The following N4BP2 variants were observed in gnomAD, a reference collection of about 807,000 sequenced individuals.
N4BP2 encodes the protein NEDD4 binding protein 2, also known as NEDD4-binding protein 2.
A neutral mutation model predicts 152.8 loss-of-function variants in N4BP2; 91 were observed. The observed-to-expected ratio is 0.60, with a 90% CI of 0.50 to 0.71. The LOEUF is 0.71. Among genes scored for constraint, N4BP2 ranks in the 30% least tolerant of loss-of-function variants. The pLI is 0.00. For missense variants in N4BP2, 1,923 were observed against 2,059.1 expected (o/e 0.93, Z 1.28); for synonymous variants, 646 against 705.3 (o/e 0.92, Z 1.33).
chr4:40,177,275 G>T, the N4BP2 span, among the ~76,000 whole-genome samples: 1 of 152,116 alleles, frequency 6.6e-6, no homozygotes, highest in Non-Finnish European at 1.5e-5. Flanking sequence ...CCATGCAGAG[G>T]GAAGGAAGGG....
At chr4:40,147,488 G>A (rs1241885780) in intron 16 of N4BP2, among the ~76,000 whole-genome samples, 1 of 150,442 alleles carries the variant, frequency 6.6e-6, no homozygotes, top group Non-Finnish European at 1.5e-5. Context: ...AGAAGGGGCG[G>A]CCGGGCAGAG....
At chr4:40,173,026 T>C in the N4BP2 span, among the ~76,000 whole-genome samples, 14 of 152,158 alleles carry the variant, frequency 9.2e-5, no homozygotes, top group South Asian at 2.9e-3. Flanking sequence ...GACAGTTTGC[T>C]CCCCTAACTT....
At chr4:40,077,185 G>C (rs1003634528) in intron 2 of N4BP2, among the ~76,000 whole-genome samples, 1 of 151,808 alleles carries the variant, frequency 6.6e-6, no homozygotes, top group African/African-American at 2.4e-5. Flanking sequence ...GTTTTTGAGA[G>C]AGTCTTGCTC....
At chr4:40,138,309 T>C (rs1719592116) in intron 14 of N4BP2, among the ~76,000 whole-genome samples, 1 of 152,220 alleles carries the variant, frequency 6.6e-6, no homozygotes, top group South Asian at 2.1e-4. Flanking sequence ...GTTGTAAGTG[T>C]TCTTTATATA....
chr4:40,119,673 G>C (rs1018666718), intron 8 of N4BP2, among the ~76,000 whole-genome samples: 2 of 151,944 alleles, frequency 1.3e-5, no homozygotes, highest in Non-Finnish European at 2.9e-5. Context: ...AATCTCATAT[G>C]TACTATTCAA....
At chr4:40,147,686 C>A (rs888168792) in intron 16 of N4BP2, among the ~76,000 whole-genome samples, 3 of 150,078 alleles carry the variant, frequency 2.0e-5, no homozygotes, top group Admixed American at 2.0e-4. Context: ...GGGGGCTGAC[C>A]CCCCACCTCC....
chr4:40,105,272 AG>A (rs1226822495), intron 4 of N4BP2, among the ~76,000 whole-genome samples: 3 of 152,090 alleles, frequency 2.0e-5, no homozygotes, highest in Non-Finnish European at 2.9e-5. Flanking sequence ...ATGGAGTTAA[AG>A]GAAGGAGAGA....
intron 2 of N4BP2, among the ~76,000 whole-genome samples, chr4:40,079,025 G>T (rs548559414): frequency 3.3e-5 from 5 of 151,932 alleles, no homozygotes; most frequent in African/African-American, 7.2e-5. Flanking sequence ...GATCTCAAGC[G>T]ATTCTCCAAC....
At chr4:40,136,347 T>A (rs761859049) in intron 13 of N4BP2, among the ~76,000 whole-genome samples, 15 of 75,238 alleles carry the variant, frequency 2.0e-4, no homozygotes, top group East Asian at 2.3e-3. Context: ...AAATTGAATC[T>A]ATCTATCTAT....
Position 40,097,420 on chromosome 4 carries a change from T to C in N4BP2, c.80T>C (p.Val27Ala), listed in dbSNP as rs1453183324. The change falls in exon 3 of 18, where the codon GTT (valine) becomes GCT (alanine). Residue 27 changes from valine (V) to alanine (A), a missense_variant. Transcript: ENST00000261435. ...ANPKEVVVSS[V>A]ASREEPTTTL... Reference sequence around the variant, plus strand: ...CCTAAGGAAGTTGTCGTATCCAGTGTTGCTAGTCGTGAGGAGCCAACCACT... The same window carrying C: ...CCTAAGGAAGTTGTCGTATCCAGTGCTGCTAGTCGTGAGGAGCCAACCACT... The C allele has an allele frequency of 6.2e-7, 1 of 1,614,148 alleles. No homozygotes were observed. The highest frequency in any genetic ancestry group is 1.7e-5 in the Admixed American group (1 of 60,018).
At chr4:40,170,294 GAA>G in the N4BP2 span, among the ~76,000 whole-genome samples, 1 of 152,198 alleles carries the variant, frequency 6.6e-6, no homozygotes, top group African/African-American at 2.4e-5. Flanking sequence ...AAATAAAAAA[GAA>G]AATGAATTAG....
rs150491844 is a variant in N4BP2, at chr4:40,071,623, A to G, written c.-211-1832A>G. 7.8e-3 allele frequency among the ~76,000 whole-genome samples: 1,177 copies of G among 151,384 alleles called. 15 individuals carry two copies. Among genetic ancestry groups the G allele is most frequent in the African/African-American group, 0.027 (1,112 of 41,246 alleles). ...CTCTTGTTGCCCAGGCTGGAGTGCA[A>G]TGGTGCGATCTCGGCTCACTGCAAC... On this transcript the variant is annotated intron_variant, in intron 1 of 17. Transcript: ENST00000261435.
chr4:40,143,850 A>T (rs1308950666), intron 15 of N4BP2, among the ~76,000 whole-genome samples: 1 of 152,152 alleles, frequency 6.6e-6, no homozygotes, highest in Non-Finnish European at 1.5e-5. Flanking sequence ...CTCTAGAGAG[A>T]CAGACCAGTA....
the N4BP2 span, among the ~76,000 whole-genome samples, chr4:40,178,354 T>C: frequency 2.6e-5 from 4 of 152,008 alleles, no homozygotes; most frequent in African/African-American, 9.7e-5. Context: ...AAATCAAAAG[T>C]TGTTCCTTTA....
At chr4:40,173,742 C>T in the N4BP2 span, among the ~76,000 whole-genome samples, 1 of 152,224 alleles carries the variant, frequency 6.6e-6, no homozygotes, top group Non-Finnish European at 1.5e-5. Context: ...GAGCCTGGGC[C>T]GAACTCTTGT....
At chr4:40,125,154 C>T (rs1182044396) in intron 11 of N4BP2, among the ~76,000 whole-genome samples, 1 of 152,150 alleles carries the variant, frequency 6.6e-6, no homozygotes, top group Non-Finnish European at 1.5e-5. Context: ...GACCTGTGCT[C>T]ATGTCATAGC....
intron 11 of N4BP2, 51 bp downstream of exon 11, chr4:40,124,256 T>C (rs1231154210): frequency 7.0e-7 from 1 of 1,422,654 alleles, no homozygotes; most frequent in South Asian, 1.3e-5. Context: ...ATTTGGTGTG[T>C]GTGTTTGAAT....
chr4:40,166,853 C>G, the N4BP2 span: 1 of 152,116 alleles, frequency 6.6e-6, no homozygotes, highest in African/African-American at 2.4e-5. Flanking sequence ...TATCCGTCCC[C>G]TCAAGCATTT....
rs906850003 is a variant in N4BP2 at position 40,103,131 on chromosome 4, A to G, written c.1286A>G (p.Gln429Arg). 4 of 1,614,050 alleles carry G rather than the reference A, an allele frequency of 2.5e-6. No individual in the cohort carries two copies. The highest frequency in any genetic ancestry group is 3.4e-6 in the Non-Finnish European group (4 of 1,179,872). Residue 429 changes from glutamine to arginine, a missense_variant, in exon 4 of 18, where the codon CAG (glutamine) becomes CGG (arginine). Gln to Arg is a conservative substitution (Grantham distance 43). Coordinates refer to ENST00000261435, the MANE Select transcript of N4BP2 (RefSeq NM_018177.6). ...AYQVQETPVS[Q>R]VVRKKTSYVG... ...CAAGTACAAGAAACCCCAGTTTCTC[A>G]GGTTGTAAGAAAGAAGACATCTTAC...
Sources: allele counts gnomAD v4.1 joint callset (sites outside exome capture counted in the v4.1 genomes callset), GRCh38; gene constraint gnomAD v4.1.1; transcripts MANE v1.5; gene names NCBI Gene and HGNC (gene_info 2026-07-23, HGNC 2026-07-21).